Variants in HDAC9 observed in about 807,000 individuals in gnomAD.
HDAC9 encodes MEF-2 interacting transcription repressor (MITR) protein.
A neutral mutation model predicts 139.4 loss-of-function variants in HDAC9; 41 were observed. The observed-to-expected ratio is 0.29, with a 90% CI of 0.23 to 0.38. HDAC9 has a LOEUF of 0.38. HDAC9 is among the 10% of genes least tolerant of loss of function. The pLI, the probability that HDAC9 is intolerant of heterozygous loss-of-function variation, is 1.00. For synonymous variants in HDAC9, 517 were observed against 476.2 expected (o/e 1.09, Z -1.12); for missense variants, 1,147 against 1,297.0 (o/e 0.88, Z 1.78).
intron 23 of HDAC9, among the ~76,000 whole-genome samples, chr7:18,943,906 C>A (rs562453690): frequency 8.5e-5 from 13 of 152,090 alleles, no homozygotes; most frequent in Non-Finnish European, 1.8e-4. Flanking sequence ...TGAATAATTT[C>A]AATAGTTTGT....
At chr7:18,552,383 T>G (rs996590723) in intron 2 of HDAC9, among the ~76,000 whole-genome samples, 1 of 152,140 alleles carries the variant, frequency 6.6e-6, no homozygotes, top group East Asian at 1.9e-4. Context: ...TACAGGATTC[T>G]GAGTTTCCAC....
chr7:18,654,765 T>C (rs1243576157), intron 11 of HDAC9, among the ~76,000 whole-genome samples: 2 of 152,152 alleles, frequency 1.3e-5, no homozygotes, highest in Non-Finnish European at 2.9e-5. Context: ...CGGTTTAGAT[T>C]TGCCACGATG....
chr7:18,938,217 C>G (rs1293276129), intron 23 of HDAC9, among the ~76,000 whole-genome samples: 4 of 110,154 alleles, frequency 3.6e-5, no homozygotes, highest in Non-Finnish European at 6.8e-5. Flanking sequence ...GGCGACAGAG[C>G]GAGACTCCGT....
chr7:18,751,376 T>G (rs1244424896), intron 14 of HDAC9, among the ~76,000 whole-genome samples: 3 of 152,074 alleles, frequency 2.0e-5, no homozygotes, highest in Non-Finnish European at 4.4e-5. Context: ...AAACATCATA[T>G]CCAAAACATG....
At chr7:18,297,672 G>C (rs1798243574) in intron 1 of HDAC9, among the ~76,000 whole-genome samples, 1 of 152,098 alleles carries the variant, frequency 6.6e-6, no homozygotes, top group African/African-American at 2.4e-5. Context: ...GTAAGACTTG[G>C]CACAGTTTTT....
At chr7:18,752,393 C>T (rs1388131817) in intron 14 of HDAC9, among the ~76,000 whole-genome samples, 1 of 152,040 alleles carries the variant, frequency 6.6e-6, no homozygotes, top group Non-Finnish European at 1.5e-5. Flanking sequence ...GAAGTTGGGT[C>T]CCAGCTCAGG....
chr7:18,665,961 C>T (rs1794744254), intron 11 of HDAC9, among the ~76,000 whole-genome samples: 1 of 151,988 alleles, frequency 6.6e-6, no homozygotes, highest in African/African-American at 2.4e-5. Context: ...AAGAGTGATC[C>T]ATTAAAAAGA....
chr7:18,718,438 G>T (rs1784876873), intron 12 of HDAC9, among the ~76,000 whole-genome samples: 1 of 151,896 alleles, frequency 6.6e-6, no homozygotes, highest in African/African-American at 2.4e-5. Flanking sequence ...TCACCTTGTT[G>T]CCCAGGCTGG....
chr7:18,387,220 T>C (rs80316263), intron 1 of HDAC9, among the ~76,000 whole-genome samples: 3,254 of 152,316 alleles, frequency 0.021, 112 homozygotes, highest in African/African-American at 0.074. Context: ...GGGGGGAATC[T>C]ACCCTGCCAC....
intron 22 of HDAC9, 67 bp from the exon 23 acceptor site, chr7:18,935,742 T>G (rs937564444): frequency 1.4e-6 from 2 of 1,408,656 alleles, no homozygotes; most frequent in Non-Finnish European, 1.0e-6. Flanking sequence ...ACATGCTCAA[T>G]GTTAGATTCT....
intron 17 of HDAC9, among the ~76,000 whole-genome samples, chr7:18,824,734 C>G (rs1240310962): frequency 6.6e-6 from 1 of 152,190 alleles, no homozygotes; most frequent in African/African-American, 2.4e-5. Flanking sequence ...AGACAGCCAT[C>G]TTCTCTCTGC....
chr7:18,999,384 T>G lies in HDAC9; in HGVS notation c.*3322T>G, dbSNP rs1786639114. The G allele has an allele frequency of 6.6e-6, 1 of 152,152 alleles. No homozygotes were observed. The highest frequency in any genetic ancestry group is 1.5e-5 in the Non-Finnish European group (1 of 68,046). The allele number at this position is 152,152 out of a possible 1,614,324, so 9.4% of individuals were successfully genotyped here. A position where few individuals can be genotyped will look rare whatever the true frequency, so the allele number is the denominator to read the frequency against. ...GGATTTACTGGGTTTCTTTACAGAC[T>G]CCATATGGAAGTAAAATAGAATGAT... On this transcript the variant is annotated 3_prime_UTR_variant, in exon 26 of 26. Coordinates refer to ENST00000686413, the MANE Select transcript of HDAC9 (RefSeq NM_178425.4).
chr7:18,304,164 A>G (rs987342384), intron 1 of HDAC9, among the ~76,000 whole-genome samples: 1 of 152,236 alleles, frequency 6.6e-6, no homozygotes, highest in Non-Finnish European at 1.5e-5. Context: ...ATAAGAGTTT[A>G]AAAGTTCAGC....
intron 1 of HDAC9, among the ~76,000 whole-genome samples, chr7:18,448,530 A>G (rs1219324239): frequency 4.6e-5 from 7 of 152,176 alleles, no homozygotes; most frequent in Non-Finnish European, 8.8e-5. Flanking sequence ...CAGTTATTAA[A>G]TTGCATAGGG....
At chr7:18,176,058 C>T (rs747590303) in intron 2 of HDAC9, among the ~76,000 whole-genome samples, 2 of 152,058 alleles carry the variant, frequency 1.3e-5, no homozygotes, top group Non-Finnish European at 1.5e-5. Context: ...TGGTGTATGA[C>T]CAAGCACTCA....
At chr7:18,523,549 A>G (rs1468049557) in intron 2 of HDAC9, among the ~76,000 whole-genome samples, 1 of 152,206 alleles carries the variant, frequency 6.6e-6, no homozygotes, top group Non-Finnish European at 1.5e-5. Context: ...TTCGTGCCAA[A>G]ATAGATGACA....
intron 6 of HDAC9, among the ~76,000 whole-genome samples, chr7:18,627,949 T>G (rs1842136850): frequency 6.6e-6 from 1 of 152,070 alleles, no homozygotes; most frequent in South Asian, 2.1e-4. Context: ...ATGCAAGAGT[T>G]CTCCATCGAA....
rs537336458 is a variant in HDAC9 at position 18,884,339 on chromosome 7, T to A, written c.2803+9743T>A. Reference sequence around the variant, plus strand: ...CAATCATAAAAGCATGACAGTGGCATAAAAACAGACACATAGACCAATGGA... The same window carrying A: ...CAATCATAAAAGCATGACAGTGGCAAAAAAACAGACACATAGACCAATGGA... On this transcript the variant is annotated intron_variant, in intron 22 of 25. Coordinates refer to ENST00000686413, the MANE Select transcript of HDAC9 (RefSeq NM_178425.4). 3.9e-5 allele frequency among the ~76,000 whole-genome samples: 6 copies of A among 152,236 alleles called. No individual in the cohort carries two copies. The South Asian group carries it at 1.2e-3, about 32-fold the overall frequency.
intron 16 of HDAC9, among the ~76,000 whole-genome samples, chr7:18,771,681 C>A (rs1438797815): frequency 6.6e-6 from 1 of 152,034 alleles, no homozygotes; most frequent in South Asian, 2.1e-4. Context: ...TGGTCCTTCA[C>A]ATTTATTCTC....
Sources: gnomAD v4.1 joint callset for allele counts (sites outside exome capture counted in the v4.1 genomes callset) on GRCh38, gnomAD v4.1.1 for gene constraint, MANE v1.5 for transcripts, NCBI Gene and HGNC (gene_info 2026-07-23, HGNC 2026-07-21) for gene names.